SYN3: variants seen among roughly 807,000 people sequenced by gnomAD.
The protein encoded by SYN3 is synapsin III, also known as synapsin-3.
SYN3 carries 35 observed loss-of-function variants against 65.8 expected under a neutral mutation model. That is an observed-to-expected ratio of 0.53 (90% confidence interval 0.41 to 0.70). SYN3 has a LOEUF of 0.70. Ranked by LOEUF, SYN3 falls within the 30% of genes least tolerant of loss-of-function variation. The pLI, the probability that SYN3 is intolerant of heterozygous loss-of-function variation, is 0.00. For missense variants in SYN3, 680 were observed against 749.0 expected, an observed-to-expected ratio of 0.91 and a Z score of 1.08; for synonymous variants, 270 against 292.9, an observed-to-expected ratio of 0.92 and a Z score of 0.80.
At chr22:32,794,483 T>C (rs975769488) in intron 6 of SYN3, among the ~76,000 whole-genome samples, 1 of 152,158 alleles carries the variant, frequency 6.6e-6, no homozygotes, top group Admixed American at 6.5e-5. Context: ...AGAACCTCTG[T>C]TGGGGTGAAT....
intron 4 of SYN3, among the ~76,000 whole-genome samples, chr22:32,892,221 G>A (rs1318637173): frequency 2.0e-5 from 3 of 152,068 alleles, no homozygotes; most frequent in Admixed American, 1.3e-4. Context: ...GCTTGAACCC[G>A]GGAGGCTGAG....
At chr22:32,857,443 T>C (rs1257986237) in intron 6 of SYN3, 7 of 1,018,394 alleles carry the variant, frequency 6.9e-6, no homozygotes, top group East Asian at 2.4e-5. Flanking sequence ...TACGGAGTAG[T>C]TGACTCACCA....
At chr22:32,876,846 TTTCTC>T (rs1398485958) in intron 4 of SYN3, among the ~76,000 whole-genome samples, 2 of 152,262 alleles carry the variant, frequency 1.3e-5, no homozygotes, top group East Asian at 3.8e-4. Context: ...TGGCAGGTGA[TTTCTC>T]TTCTTTTGAA....
intron 2 of SYN3, among the ~76,000 whole-genome samples, chr22:32,997,321 C>T (rs554343054): frequency 5.9e-5 from 9 of 152,204 alleles, no homozygotes; most frequent in South Asian, 2.1e-4. Flanking sequence ...GATGCAGACA[C>T]GACCCCATCC....
At chr22:32,978,545 T>G (rs923344817) in intron 3 of SYN3, among the ~76,000 whole-genome samples, 7 of 152,160 alleles carry the variant, frequency 4.6e-5, no homozygotes, top group Non-Finnish European at 1.0e-4. Flanking sequence ...CGCCACCATC[T>G]CCACTTGTTG....
At chr22:32,797,564 C>T (rs151046992) in intron 6 of SYN3, among the ~76,000 whole-genome samples, 16 of 152,186 alleles carry the variant, frequency 1.1e-4, no homozygotes, top group African/African-American at 3.9e-4. Context: ...TTTAGTGCTA[C>T]GATCCAAGAG....
At chr22:32,979,009 T>A (rs1396421746) in intron 3 of SYN3, among the ~76,000 whole-genome samples, 1 of 151,498 alleles carries the variant, frequency 6.6e-6, no homozygotes, top group Non-Finnish European at 1.5e-5. Context: ...TGAAATTCCA[T>A]CTGTACTAAA....
intron 7 of SYN3, among the ~76,000 whole-genome samples, chr22:32,586,800 G>C (rs1296842484): frequency 6.6e-6 from 1 of 152,190 alleles, no homozygotes; most frequent in African/African-American, 2.4e-5. Flanking sequence ...AGGATGGACT[G>C]TGTATGTTGC....
At chr22:32,695,434 T>C (rs1873213336) in intron 6 of SYN3, among the ~76,000 whole-genome samples, 1 of 152,210 alleles carries the variant, frequency 6.6e-6, no homozygotes, top group Middle Eastern at 3.2e-3. Flanking sequence ...TTCTCAGGGA[T>C]GGAGTCAAGC....
intron 6 of SYN3, chr22:32,857,899 TC>T (rs1330114286): frequency 5.5e-5 from 82 of 1,478,740 alleles, no homozygotes; most frequent in Admixed American, 3.5e-4. Context: ...AAATCATGGG[TC>T]TGAAAAGTAC....
chr22:32,605,412 G>T (rs938997700), intron 6 of SYN3, among the ~76,000 whole-genome samples: 1 of 152,178 alleles, frequency 6.6e-6, no homozygotes, highest in African/African-American at 2.4e-5. Context: ...CACCTGTAGA[G>T]CAGGCTTTAG....
At chr22:32,701,052 G>A (rs2147199879) in intron 6 of SYN3, among the ~76,000 whole-genome samples, 1 of 152,274 alleles carries the variant, frequency 6.6e-6, no homozygotes, top group South Asian at 2.1e-4. Flanking sequence ...CATCTTAACT[G>A]CTGCTTCCCT....
intron 6 of SYN3, among the ~76,000 whole-genome samples, chr22:32,751,288 T>C (rs988522802): frequency 6.6e-6 from 1 of 152,164 alleles, no homozygotes; most frequent in South Asian, 2.1e-4. Context: ...GCAGGCGCAA[T>C]TGCAGTGCAG....
At chr22:32,606,439 C>G (rs2059373471) in intron 6 of SYN3, among the ~76,000 whole-genome samples, 1 of 152,232 alleles carries the variant, frequency 6.6e-6, no homozygotes, top group Non-Finnish European at 1.5e-5. Flanking sequence ...CATAGAGACA[C>G]TCCTGTCAGG....
chr22:32,675,682 T>TGTCTTTCATCAAGCCTCC (rs2060430307), intron 6 of SYN3, among the ~76,000 whole-genome samples: 1 of 152,194 alleles, frequency 6.6e-6, no homozygotes, highest in Non-Finnish European at 1.5e-5. Context: ...AAGGTGCCAC[T>TGTCTTTCATCAAGCCTCC]TTTCTGATTA....
intron 10 of SYN3, among the ~76,000 whole-genome samples, chr22:32,531,148 CAAAAAAAAAAAAAAA>C (rs59432094): frequency 1.5e-4 from 4 of 26,114 alleles, no homozygotes; most frequent in African/African-American, 1.7e-4. Context: ...GACCCCGTCT[CAAAAAAAAAAAAAAA>C]AAAAAAAAAA....
intron 6 of SYN3, among the ~76,000 whole-genome samples, chr22:32,605,537 C>A (rs1170188873): frequency 1.3e-5 from 2 of 152,204 alleles, no homozygotes; most frequent in Admixed American, 6.5e-5. Flanking sequence ...CCTCTTGATA[C>A]TTCTTCTGTG....
At chr22:32,814,680 A>G (rs2047040694) in intron 6 of SYN3, among the ~76,000 whole-genome samples, 1 of 152,206 alleles carries the variant, frequency 6.6e-6, no homozygotes, top group South Asian at 2.1e-4. Context: ...TGGATAGTTA[A>G]CATCTGGATT....
intron 6 of SYN3, among the ~76,000 whole-genome samples, chr22:32,610,833 C>T (rs1267374280): frequency 5.9e-5 from 9 of 152,212 alleles, no homozygotes; most frequent in Non-Finnish European, 1.2e-4. Flanking sequence ...ACAACCACAT[C>T]AGCCTCCCAA....
Sources: gnomAD v4.1 joint callset for allele counts (sites outside exome capture counted in the v4.1 genomes callset) on GRCh38, gnomAD v4.1.1 for gene constraint, MANE v1.5 for transcripts, NCBI Gene and HGNC (gene_info 2026-07-23, HGNC 2026-07-21) for gene names.